BLOC1S3: variants seen among roughly 807,000 people sequenced by gnomAD.
BLOC1S3 encodes biogenesis of lysosome-related organelles complex 1 subunit 3.
Under a neutral mutation model 9.1 loss-of-function variants are expected in BLOC1S3, and 7 were observed. The observed-to-expected ratio is 0.77, with a 90% CI of 0.44 to 1.45. The LOEUF (loss-of-function observed/expected upper bound fraction) is 1.45, where lower values mean the gene tolerates loss of function less well. Among genes scored for constraint, BLOC1S3 ranks in the 40% most tolerant of loss-of-function variants. The pLI is 0.01. For missense variants in BLOC1S3, 307 were observed against 315.2 expected (o/e 0.97, Z 0.20); for synonymous variants, 145 against 158.4 (o/e 0.92, Z 0.64).
At chr19:45,204,071 A>G (rs1316055881) in intron 3 of BLOC1S3, among the ~76,000 whole-genome samples, 3 of 151,964 alleles carry the variant, frequency 2.0e-5, no homozygotes, top group East Asian at 1.9e-4. Context: ...CAGTGGCGCA[A>G]TCTTGGCTCA....
At chr19:45,186,634 C>T (rs10415850), downstream of BLOC1S3, among the ~76,000 whole-genome samples, 26,671 of 152,128 alleles carry the variant, frequency 0.18, 2,762 homozygotes, top group African/African-American at 0.28. Flanking sequence ...GAACCTGGGA[C>T]GTGGAGGTTG....
At chr19:45,183,115 G>A (rs1395628857), downstream of BLOC1S3, among the ~76,000 whole-genome samples, 4 of 152,112 alleles carry the variant, frequency 2.6e-5, no homozygotes, top group Non-Finnish European at 5.9e-5. Context: ...GGAGAAGTGT[G>A]GGGTGGTTGT....
Position 45,179,329 on chromosome 19 carries a change from G to T in BLOC1S3, c.33G>T (p.Leu11=). The change falls in exon 2 of 2, where the codon CTG becomes CTT. Residue 11 remains leucine (L), a synonymous_variant. Coordinates refer to ENST00000433642, the MANE Select transcript of BLOC1S3 (RefSeq NM_212550.5). This position sits in a 1 kb window ranked among gnomAD's most constrained non-coding sequence, Gnocchi z 4.6. MASQGRRRRP[L]RRPETVVPGE... ...CCCAGGGTCGTCGGCGGAGGCCCCT[G>T]CGGAGGCCGGAGACGGTGGTGCCGG... The T allele has an allele frequency of 1.9e-6, 3 of 1,585,982 alleles. No homozygotes were observed. Among genetic ancestry groups the T allele is most frequent in the Non-Finnish European group, 2.6e-6 (3 of 1,174,708 alleles).
At chr19:45,182,430 G>T (rs919903170), downstream of BLOC1S3, among the ~76,000 whole-genome samples, 1 of 151,916 alleles carries the variant, frequency 6.6e-6, no homozygotes, top group Admixed American at 6.6e-5. Flanking sequence ...CACTTTGGGA[G>T]ATCGAGGTAG....
chr19:45,197,570 G>T (rs8102309), intron 2 of BLOC1S3, among the ~76,000 whole-genome samples: 1 of 151,110 alleles, frequency 6.6e-6, no homozygotes, highest in East Asian at 1.9e-4. Context: ...CTCCCCCTGT[G>T]ATCCTAGCAC....
intron 2 of BLOC1S3, among the ~76,000 whole-genome samples, chr19:45,188,549 A>AATTATTATTATT (rs61583899): frequency 8.5e-4 from 122 of 143,326 alleles, no homozygotes; most frequent in African/African-American, 2.0e-3. Flanking sequence ...CATTCTTTCT[A>AATTATTATTATT]ATTATTATTA....
chr19:45,184,296 G>C (rs185316315), downstream of BLOC1S3, among the ~76,000 whole-genome samples: 171 of 152,276 alleles, frequency 1.1e-3, 2 homozygotes, highest in African/African-American at 3.9e-3. Flanking sequence ...GTTGAGTGAA[G>C]GGGTGGGATG....
intron 3 of BLOC1S3, among the ~76,000 whole-genome samples, chr19:45,215,286 C>CA (rs1969821215): frequency 6.6e-6 from 1 of 152,110 alleles, no homozygotes; most frequent in Admixed American, 6.6e-5. Context: ...GCCTGGGCAA[C>CA]ATGGTGAAAC....
chr19:45,190,821 T>TATTTTATTTTATTTTATTTTA (rs1599751332), intron 2 of BLOC1S3, among the ~76,000 whole-genome samples: 5 of 147,268 alleles, frequency 3.4e-5, no homozygotes, highest in African/African-American at 9.9e-5. Context: ...TATTTTATTT[T>TATTTTATTTTATTTTATTTTA]TTGAGAGAGA....
chr19:45,179,694 G>C lies in BLOC1S3; in HGVS notation c.398G>C (p.Arg133Pro), dbSNP rs965944317. 5 of 1,462,024 alleles carry C rather than the reference G, an allele frequency of 3.4e-6. No individual in the cohort carries two copies. In the African/African-American group the frequency reaches 7.4e-5, roughly 22 times the overall value. 90.6% of individuals were successfully genotyped at this position (1,462,024 alleles called of 1,614,324 possible). ...DVAAAVSGVYRRAGRDVAALA... is the reference protein window; with the variant it reads ...DVAAAVSGVYPRAGRDVAALA... ...GCGGCCGCCGTGAGCGGTGTCTACCGCCGTGCAGGCCGCGACGTGGCCGCC... is the reference window on the plus strand; with the variant it reads ...GCGGCCGCCGTGAGCGGTGTCTACCCCCGTGCAGGCCGCGACGTGGCCGCC... The change falls in exon 2 of 2, where the codon CGC becomes CCC. Residue 133 changes from arginine to proline, a missense_variant. Transcript: ENST00000433642. This position sits in a 1 kb window ranked among gnomAD's most constrained non-coding sequence, Gnocchi z 4.6.
At chr19:45,203,274 A>G (rs1424330244) in intron 3 of BLOC1S3, among the ~76,000 whole-genome samples, 2 of 151,296 alleles carry the variant, frequency 1.3e-5, no homozygotes, top group African/African-American at 2.4e-5. Context: ...TTATTTATTT[A>G]TTTATTTATT....
At chr19:45,216,536 A>G (rs569661382) in intron 3 of BLOC1S3, 31 of 173,234 alleles carry the variant, frequency 1.8e-4, no homozygotes, top group Non-Finnish European at 3.3e-4. Flanking sequence ...CGGAGACTGC[A>G]CCACTGCACT....
intron 2 of BLOC1S3, among the ~76,000 whole-genome samples, chr19:45,190,656 C>T (rs1188772091): frequency 2.0e-5 from 3 of 151,750 alleles, no homozygotes; most frequent in African/African-American, 7.3e-5. Context: ...CCCACCTCAG[C>T]CTCCCAAAAT....
chr19:45,200,376 G>A (rs1424937853), intron 2 of BLOC1S3, among the ~76,000 whole-genome samples: 2 of 151,892 alleles, frequency 1.3e-5, no homozygotes, highest in Non-Finnish European at 1.5e-5. Context: ...TAGAGATGGG[G>A]TTTCACCGTG....
chr19:45,185,402 A>G (rs1969559593), downstream of BLOC1S3, among the ~76,000 whole-genome samples: 1 of 152,138 alleles, frequency 6.6e-6, no homozygotes, highest in South Asian at 2.1e-4. Context: ...AGCTGTTGAG[A>G]CGTTCGGGCA....
chr19:45,188,085 T>C (rs80012930), intron 2 of BLOC1S3, among the ~76,000 whole-genome samples: 19,102 of 151,926 alleles, frequency 0.13, 1,495 homozygotes, highest in East Asian at 0.29. Flanking sequence ...TGCAGCAGCG[T>C]GATCTCAGCT....
intron 2 of BLOC1S3, among the ~76,000 whole-genome samples, chr19:45,191,636 A>C (rs941066383): frequency 1.5e-4 from 23 of 152,350 alleles, no homozygotes; most frequent in African/African-American, 4.8e-4. Flanking sequence ...CTGTATCTGC[A>C]TCAGGGGGCA....
intron 2 of BLOC1S3, among the ~76,000 whole-genome samples, chr19:45,194,154 C>A (rs1437758114): frequency 8.2e-6 from 1 of 121,544 alleles, no homozygotes; most frequent in African/African-American, 3.2e-5. Flanking sequence ...ACTTTGTCGC[C>A]CAGGCTAGAG....
At chr19:45,183,702 C>T (rs562221074), downstream of BLOC1S3, among the ~76,000 whole-genome samples, 1 of 145,110 alleles carries the variant, frequency 6.9e-6, no homozygotes, top group South Asian at 2.3e-4. Context: ...TCTCAGCTCA[C>T]TGCAACCTCC....
Sources: allele counts gnomAD v4.1 joint callset (sites outside exome capture counted in the v4.1 genomes callset), GRCh38; gene constraint gnomAD v4.1.1; non-coding constraint Gnocchi (gnomAD v3.1); transcripts MANE v1.5; gene names NCBI Gene and HGNC (gene_info 2026-07-23, HGNC 2026-07-21).